PCDH11Y: variants seen among roughly 807,000 people sequenced by gnomAD.
The protein encoded by PCDH11Y is protocadherin-11 Y-linked.
For synonymous variants in PCDH11Y, 9 were observed against 83.6 expected (o/e 0.11, Z 4.87); for missense variants, 12 against 224.8 (o/e 0.05, Z 6.05).
At chrY:5,303,066 C>A (rs2124663464) in intron 2 of PCDH11Y, among the ~76,000 whole-genome samples, 2 of 32,852 alleles carry the variant, frequency 6.1e-5, no homozygotes, top group African/African-American at 2.4e-4. Context: ...GGGATAACAT[C>A]TTCAAGTCAT....
intron 2 of PCDH11Y, among the ~76,000 whole-genome samples, chrY:5,419,063 T>A: frequency 3.0e-5 from 1 of 33,676 alleles, no homozygotes; most frequent in Non-Finnish European, 7.4e-5. Flanking sequence ...CTACTCTTTA[T>A]GTTAAAAATC....
At chrY:5,029,665 T>C (rs1602840399) in intron 1 of PCDH11Y, among the ~76,000 whole-genome samples, 2 of 27,348 alleles carry the variant, frequency 7.3e-5, no homozygotes, top group Admixed American at 3.5e-4. Context: ...TGGCTCATGC[T>C]TGTAATCCCA....
chrY:5,171,207 AC>A (rs2052886160), intron 2 of PCDH11Y, among the ~76,000 whole-genome samples: 1 of 31,128 alleles, frequency 3.2e-5, no homozygotes, highest in African/African-American at 1.3e-4. Flanking sequence ...TGGCAAATGC[AC>A]AAAAATTAGT....
chrY:5,407,805 C>T (rs2124677827), intron 2 of PCDH11Y, among the ~76,000 whole-genome samples: 9 of 29,573 alleles, frequency 3.0e-4, no homozygotes, highest in South Asian at 7.9e-4. Flanking sequence ...GTCCCAGCTA[C>T]TCGGGAGGCT....
At chrY:5,037,323 C>T (rs2052600355) in intron 3 of PCDH11Y, 1 of 114,609 alleles carries the variant, frequency 8.7e-6, no homozygotes, top group Non-Finnish European at 1.9e-5. Flanking sequence ...TATCCCAGCA[C>T]TTTGGGAGGC....
At chrY:5,325,113 A>G (rs2053117646) in intron 2 of PCDH11Y, among the ~76,000 whole-genome samples, 1 of 32,992 alleles carries the variant, frequency 3.0e-5, no homozygotes, top group Non-Finnish European at 7.4e-5. Flanking sequence ...GAATGTCATC[A>G]GTTAAGGTGG....
intron 2 of PCDH11Y, among the ~76,000 whole-genome samples, chrY:5,186,695 G>A: frequency 2.5e-4 from 7 of 28,396 alleles, no homozygotes. Flanking sequence ...TACAGTTCAA[G>A]ATGAGATTTA....
At chrY:5,306,696 CCT>C (rs2053091222) in intron 2 of PCDH11Y, among the ~76,000 whole-genome samples, 1 of 32,850 alleles carries the variant, frequency 3.0e-5, no homozygotes, top group Admixed American at 2.8e-4. Flanking sequence ...GAAACCCAGG[CCT>C]ACCTGACACC....
At chrY:5,018,294 A>G (rs2052563775) in intron 1 of PCDH11Y, among the ~76,000 whole-genome samples, 1 of 28,861 alleles carries the variant, frequency 3.5e-5, no homozygotes, top group Admixed American at 3.4e-4. Context: ...GTTGTAGATT[A>G]TATAATGAGT....
chrY:5,031,360 C>A, intron 1 of PCDH11Y, among the ~76,000 whole-genome samples: 1 of 32,022 alleles, frequency 3.1e-5, no homozygotes, highest in South Asian at 7.1e-4. Context: ...TGATTCATAG[C>A]CATTTATAAT....
At chrY:5,296,567 G>A in intron 2 of PCDH11Y, among the ~76,000 whole-genome samples, 1 of 32,494 alleles carries the variant, frequency 3.1e-5, no homozygotes. Context: ...GGCTAAGCTT[G>A]CCCTCAAACC....
chrY:5,514,877 A>T (rs927899042), intron 3 of PCDH11Y, among the ~76,000 whole-genome samples: 2 of 33,833 alleles, frequency 5.9e-5, no homozygotes, highest in East Asian at 7.7e-4. Flanking sequence ...ATCTTTTATT[A>T]AAAAAATTCC....
chrY:5,604,171 T>C, intron 4 of PCDH11Y, among the ~76,000 whole-genome samples: 1 of 32,750 alleles, frequency 3.1e-5, no homozygotes, highest in South Asian at 6.8e-4. Context: ...CAGACTCTTG[T>C]TAAGCTTGTC....
intron 4 of PCDH11Y, among the ~76,000 whole-genome samples, chrY:5,590,798 C>T (rs2053460624): frequency 2.7e-5 from 1 of 36,427 alleles, no homozygotes; most frequent in Non-Finnish European, 7.1e-5. Flanking sequence ...GTTCCCTTTT[C>T]CCTCCTCATT....
chrY:5,206,319 G>C, intron 2 of PCDH11Y, among the ~76,000 whole-genome samples: 2 of 29,630 alleles, frequency 6.7e-5, no homozygotes, highest in Admixed American at 3.2e-4. Flanking sequence ...GGCAAAAAGA[G>C]AGCTTGTGCA....
chrY:5,229,158 A>T (rs2124653531), intron 2 of PCDH11Y, among the ~76,000 whole-genome samples: 1 of 31,341 alleles, frequency 3.2e-5, no homozygotes, highest in Admixed American at 3.0e-4. Context: ...TGACCCCATT[A>T]TCATTATATA....
At chrY:5,449,510 A>G (rs2053291201) in intron 2 of PCDH11Y, among the ~76,000 whole-genome samples, 1 of 33,464 alleles carries the variant, frequency 3.0e-5, no homozygotes, top group Non-Finnish European at 7.4e-5. Flanking sequence ...GCTTGCATCT[A>G]TAATCAGGAA....
chrY:5,716,744 T>C (rs2124713591), intron 4 of PCDH11Y, among the ~76,000 whole-genome samples: 1 of 33,321 alleles, frequency 3.0e-5, no homozygotes, highest in Non-Finnish European at 7.4e-5. Flanking sequence ...CTAAAATTCA[T>C]ATGGGACCAC....
At chrY:5,592,066 G>A (rs1404314099) in intron 4 of PCDH11Y, among the ~76,000 whole-genome samples, 5 of 32,511 alleles carry the variant, frequency 1.5e-4, no homozygotes, top group Admixed American at 8.4e-4. Context: ...GGTCCAGTGC[G>A]GAGTTTAGTT....
Sources: allele counts gnomAD v4.1 joint callset (sites outside exome capture counted in the v4.1 genomes callset), GRCh38; gene constraint gnomAD v4.1.1; transcripts MANE v1.5; gene names NCBI Gene and HGNC (gene_info 2026-07-23, HGNC 2026-07-21).